METTL16: variants seen among roughly 807,000 people sequenced by gnomAD.
METTL16 encodes methyltransferase 16, RNA N6-adenosine.
In METTL16, 19 loss-of-function variants were observed where a neutral mutation model predicts 57.9. The observed-to-expected ratio is 0.33, with a 90% CI of 0.23 to 0.48. METTL16 has a LOEUF of 0.48. Ranked by LOEUF, METTL16 falls within the 20% of genes least tolerant of loss-of-function variation. The pLI, the probability that METTL16 is intolerant of heterozygous loss-of-function variation, is 0.99. For synonymous variants in METTL16, 246 were observed against 255.6 expected (o/e 0.96, Z 0.36); for missense variants, 434 against 691.5 (o/e 0.63, Z 4.18).
intron 1 of METTL16, among the ~76,000 whole-genome samples, chr17:2,510,611 T>G (rs1379721868): frequency 6.6e-6 from 1 of 152,138 alleles, no homozygotes; most frequent in Non-Finnish European, 1.5e-5. Context: ...ATATAGGCAA[T>G]GAGTTCTTAG....
rs148384832 is a variant in METTL16 at position 2,490,632 on chromosome 17, C to T, written c.128+11572G>A. Among the ~76,000 whole-genome samples, 1,014 of 152,158 alleles carry T rather than the reference C, an allele frequency of 6.7e-3. 14 individuals carry two copies. The highest frequency in any genetic ancestry group is 0.023 in the African/African-American group (970 of 41,514). ...ATGTCTGTATAGTAAAAAATAATTC[C>T]TTTTTTGAAAACCAGAAAACAGGTC... is the stretch of plus-strand genomic sequence containing the variant. On this transcript the variant is annotated intron_variant, in intron 2 of 9. Coordinates refer to ENST00000263092, the MANE Select transcript of METTL16 (RefSeq NM_024086.4).
chr17:2,473,796 T>A, intron 3 of METTL16, 132 bp from the exon 4 acceptor site: 2 of 914,422 alleles, frequency 2.2e-6, no homozygotes, highest in Non-Finnish European at 3.2e-6. Context: ...TACAGTGCAG[T>A]GGTGTGATCA....
At chr17:2,468,271 C>T (rs2067215396) in intron 4 of METTL16, among the ~76,000 whole-genome samples, 1 of 152,206 alleles carries the variant, frequency 6.6e-6, no homozygotes, top group Non-Finnish European at 1.5e-5. Flanking sequence ...TCAAACTCTT[C>T]GACAGTACTC....
rs1413592199 is a variant in METTL16, at chr17:2,465,344, C to G, written c.586-994G>C. On this transcript the variant is annotated intron_variant, in intron 5 of 9. Transcript: ENST00000263092. ...GGATCACGAGGTCAGGAGATTGAGA[C>G]CATCCTGGCTAACAAAGTGAAACCC... 5.3e-5 allele frequency among the ~76,000 whole-genome samples: 8 copies of G among 151,020 alleles called. No homozygotes were observed. The South Asian group carries it at 1.3e-3, about 24-fold the overall frequency.
intron 6 of METTL16, among the ~76,000 whole-genome samples, chr17:2,461,871 G>A (rs1475695164): frequency 6.6e-6 from 1 of 152,078 alleles, no homozygotes; most frequent in Non-Finnish European, 1.5e-5. Context: ...GAGCCACCGT[G>A]CCCAGCCTTC....
Position 2,494,265 on chromosome 17 carries a change from A to G in METTL16, c.128+7939T>C, listed in dbSNP as rs1216690234. ...TCAAACTCCTGGCCTCAAGTGATCC[A>G]CCCACCTTGGCCTCCCAAAGTGCTG... On this transcript the variant is annotated intron_variant, in intron 2 of 9. Coordinates refer to ENST00000263092, the MANE Select transcript of METTL16 (RefSeq NM_024086.4). Among the ~76,000 whole-genome samples, 5 of 151,950 alleles carry G rather than the reference A, an allele frequency of 3.3e-5. No homozygotes were observed. In the East Asian group the frequency reaches 9.7e-4, roughly 29 times the overall value.
In METTL16 at chr17:2,420,807, G is replaced by A; in HGVS notation, c.986C>T (p.Ser329Leu). The change falls in exon 9 of 10, where the codon TCA (serine) becomes TTA (leucine). Residue 329 changes from serine to leucine, a missense_variant. Physicochemically the swap from Ser to Leu is moderately radical, Grantham distance 145. This residue lies in a region of METTL16 where 96 missense variants were observed against 138.3 expected (regional missense o/e 0.69). Coordinates refer to ENST00000263092, the MANE Select transcript of METTL16 (RefSeq NM_024086.4). This position sits in a 1 kb window ranked among gnomAD's most constrained non-coding sequence, Gnocchi z 5.4. ...SVMKELSLKA[S>L]PLRSETAEGI... Reference sequence around the variant, plus strand: ...TTCCGCCGTCTCCGAGCGCAGAGGTGATGCTTTGAGGGATAATTCCTTCAT... The same window carrying A: ...TTCCGCCGTCTCCGAGCGCAGAGGTAATGCTTTGAGGGATAATTCCTTCAT... The A allele has an allele frequency of 1.2e-6, 2 of 1,614,266 alleles. No homozygotes were observed. The highest frequency in any genetic ancestry group is 2.2e-5 in the South Asian group (2 of 91,084).
chr17:2,426,876 T>C (rs1750887876), intron 8 of METTL16, among the ~76,000 whole-genome samples: 1 of 151,706 alleles, frequency 6.6e-6, no homozygotes, highest in African/African-American at 2.4e-5. Flanking sequence ...GGCTCATGCC[T>C]GCAATCCCAG....
intron 7 of METTL16, among the ~76,000 whole-genome samples, chr17:2,440,970 C>CAAAAAAAAAAAAAAAA (rs760521188): frequency 5.9e-5 from 2 of 34,050 alleles, no homozygotes; most frequent in Non-Finnish European, 7.7e-5. Flanking sequence ...GACTTGATCT[C>CAAAAAAAAAAAAAAAA]AAAAAAAAAA....
At position 2,417,228 on chromosome 17, in the gene METTL16, T is replaced by G. The variant is rs1435341531; in HGVS notation, c.*2742A>C. ...ACAGGCACGTGCTATCATGCCCGGCTAATTTTTGTATTTTGAGTAGAGACG... is the reference window on the plus strand; with the variant it reads ...ACAGGCACGTGCTATCATGCCCGGCGAATTTTTGTATTTTGAGTAGAGACG... On this transcript the variant is annotated 3_prime_UTR_variant, in exon 10 of 10. Transcript: ENST00000263092. 1.3e-5 allele frequency: 2 copies of G among 152,222 alleles called. No individual in the cohort carries two copies. The highest frequency in any genetic ancestry group is 3.9e-4 in the East Asian group (2 of 5,172). 9.4% of individuals were successfully genotyped at this position (152,222 alleles called of 1,614,324 possible).
In METTL16 at chr17:2,448,801, T is replaced by TAA. The variant is rs1567889993; in HGVS notation, c.729-7243_729-7242insTT. 2.2e-3 allele frequency among the ~76,000 whole-genome samples: 103 copies of TAA among 47,364 alleles called. 3 individuals carry two copies. Among genetic ancestry groups the TAA allele is most frequent in the Middle Eastern group, 0.013 (1 of 80 alleles). The allele number at this position is 47,364 out of a possible 152,430, so 31.1% of individuals were successfully genotyped here. A position where few individuals can be genotyped will look rare whatever the true frequency, so the allele number is the denominator to read the frequency against. ...AAAAATAAAAAAATAAAAATAAAAT[T>TAA]TAAAAAAAAAAAAAAAAAAAAAAAA... On this transcript the variant is annotated intron_variant, in intron 6 of 9. Transcript: ENST00000263092.
Position 2,417,087 on chromosome 17 carries a change from A to ATTTTTTTTTTT in METTL16, c.*2882_*2883insAAAAAAAAAAA, listed in dbSNP as rs1567876454. 7 of 11,372 alleles carry ATTTTTTTTTTT rather than the reference A, an allele frequency of 6.2e-4. No individual in the cohort carries two copies. Among genetic ancestry groups the ATTTTTTTTTTT allele is most frequent in the African/African-American group, 2.1e-3 (7 of 3,396 alleles). The allele number at this position is 11,372 out of a possible 1,614,324, so 0.7% of individuals were successfully genotyped here. On this transcript the variant is annotated 3_prime_UTR_variant, in exon 10 of 10. Coordinates refer to ENST00000263092, the MANE Select transcript of METTL16 (RefSeq NM_024086.4). ...TTTTTTTTTTTTTTTTTTTTTTTTG[A>ATTTTTTTTTTT]GACAGTCCCACTTTGTCGCCCAGGC...
intron 2 of METTL16, among the ~76,000 whole-genome samples, chr17:2,483,083 T>C (rs1032432135): frequency 2.0e-5 from 3 of 148,140 alleles, no homozygotes; most frequent in Admixed American, 6.7e-5. Context: ...TGAATGTAAA[T>C]AGTAAACTCA....
chr17:2,429,629 C>A (rs749096073), intron 8 of METTL16, among the ~76,000 whole-genome samples: 28 of 151,832 alleles, frequency 1.8e-4, no homozygotes, highest in Non-Finnish European at 4.0e-4. Context: ...TTATTTGCAA[C>A]TCTAAATGAA....
chr17:2,477,894 T>C lies in METTL16; in HGVS notation c.129-9A>G, dbSNP rs953620680. 8 of 1,610,018 alleles carry C rather than the reference T, an allele frequency of 5.0e-6. No individual in the cohort carries two copies. The highest frequency in any genetic ancestry group is 6.8e-6 in the Non-Finnish European group (8 of 1,177,264). ...GGTCTTTAAAATTAAGGCTGAGGAA[T>C]AAAGAAAAGGAAGTAAAACTGATTA... On this transcript the variant is annotated splice_polypyrimidine_tract_variant and intron_variant, in intron 2 of 9. Coordinates refer to ENST00000263092, the MANE Select transcript of METTL16 (RefSeq NM_024086.4).
intron 6 of METTL16, among the ~76,000 whole-genome samples, chr17:2,463,498 C>G (rs1022797938): frequency 4.5e-4 from 68 of 152,072 alleles, no homozygotes; most frequent in African/African-American, 1.5e-3. Context: ...ATCTTACTCT[C>G]TCACCCAGGC....
intron 2 of METTL16, among the ~76,000 whole-genome samples, chr17:2,495,598 G>T (rs1420950229): frequency 2.7e-5 from 4 of 150,556 alleles, no homozygotes; most frequent in Non-Finnish European, 5.9e-5. Context: ...AGGAGGCTGA[G>T]GCAGAAGAAT....
At chr17:2,430,681 G>A (rs1476550392) in intron 8 of METTL16, among the ~76,000 whole-genome samples, 2 of 151,936 alleles carry the variant, frequency 1.3e-5, no homozygotes, top group Non-Finnish European at 2.9e-5. Flanking sequence ...GCCTCCTAAA[G>A]TGCTGGGATT....
At chr17:2,502,001 C>T (rs952555543) in intron 2 of METTL16, among the ~76,000 whole-genome samples, 4 of 151,754 alleles carry the variant, frequency 2.6e-5, no homozygotes, top group Admixed American at 2.0e-4. Flanking sequence ...TTTTTTAAGC[C>T]AGAAGGAAAC....
Sources: gnomAD v4.1 joint callset for allele counts (sites outside exome capture counted in the v4.1 genomes callset) on GRCh38, gnomAD v4.1.1 for gene constraint, gnomAD v4.1.1 regional missense constraint, Gnocchi (gnomAD v3.1) non-coding constraint, MANE v1.5 for transcripts, NCBI Gene and HGNC (gene_info 2026-07-23, HGNC 2026-07-21) for gene names.